Variants in ATF7 observed in about 807,000 individuals in gnomAD.
The protein encoded by ATF7 is activating transcription factor 7.
A neutral mutation model predicts 50.4 loss-of-function variants in ATF7; 10 were observed. The observed-to-expected ratio is 0.20, with a 90% CI of 0.12 to 0.34. ATF7 has a LOEUF of 0.34. Among genes scored for constraint, ATF7 ranks in the 10% least tolerant of loss-of-function variants. The pLI, the probability that ATF7 is intolerant of heterozygous loss-of-function variation, is 1.00. For missense variants in ATF7, 465 were observed against 613.9 expected (o/e 0.76, Z 2.56); for synonymous variants, 201 against 226.4 (o/e 0.89, Z 1.01).
downstream of ATF7, among the ~76,000 whole-genome samples, chr12:53,509,305 T>G (rs1944083781): frequency 2.0e-5 from 3 of 152,178 alleles, no homozygotes; most frequent in South Asian, 6.2e-4. Flanking sequence ...TTGCCTCATG[T>G]GCCCCAGTCG....
chr12:53,576,473 G>C (rs1014616101), intron 2 of ATF7, among the ~76,000 whole-genome samples: 1 of 152,146 alleles, frequency 6.6e-6, no homozygotes, highest in African/African-American at 2.4e-5. Flanking sequence ...TTCATGAATG[G>C]CATTAGGTAC....
chr12:53,586,894 C>T (rs958243259), intron 2 of ATF7, among the ~76,000 whole-genome samples: 1 of 152,284 alleles, frequency 6.6e-6, no homozygotes, highest in East Asian at 1.9e-4. Context: ...TTGGATATCA[C>T]GAGTGATCAT....
At chr12:53,609,143 C>A (rs1252269404) in intron 1 of ATF7, among the ~76,000 whole-genome samples, 3 of 149,866 alleles carry the variant, frequency 2.0e-5, no homozygotes, top group Non-Finnish European at 4.4e-5. Flanking sequence ...TGTTTCTTTT[C>A]TTTCTCTTTT....
At chr12:53,528,823 A>G (rs769284043) in intron 9 of ATF7, among the ~76,000 whole-genome samples, 39 of 152,154 alleles carry the variant, frequency 2.6e-4, no homozygotes, top group Non-Finnish European at 4.4e-4. Context: ...TTAGGAGAAT[A>G]GGGGAAAGGA....
At chr12:53,583,962 T>C (rs1280407919) in intron 2 of ATF7, among the ~76,000 whole-genome samples, 1 of 152,100 alleles carries the variant, frequency 6.6e-6, no homozygotes, top group Non-Finnish European at 1.5e-5. Context: ...ATCAGGGAAA[T>C]ACAAATACAG....
At chr12:53,539,255 C>A (rs1939395865) in intron 4 of ATF7, among the ~76,000 whole-genome samples, 1 of 152,170 alleles carries the variant, frequency 6.6e-6, no homozygotes, top group South Asian at 2.1e-4. Flanking sequence ...AGCTAATTTT[C>A]TTGAATTTGC....
chr12:53,609,931 C>T (rs142181426), intron 1 of ATF7, among the ~76,000 whole-genome samples: 207 of 148,734 alleles, frequency 1.4e-3, no homozygotes, highest in African/African-American at 4.9e-3. Context: ...ATTCTCATGC[C>T]TCAGCCTCTT....
chr12:53,610,564 CAAAAAAAAAA>C (rs528813775), intron 1 of ATF7, among the ~76,000 whole-genome samples: 1 of 55,032 alleles, frequency 1.8e-5, no homozygotes, highest in Non-Finnish European at 4.2e-5. Flanking sequence ...GACTCTGTCT[CAAAAAAAAAA>C]AAAAAAAAAG....
intron 5 of ATF7, among the ~76,000 whole-genome samples, chr12:53,536,344 T>C (rs1939221590): frequency 6.6e-6 from 1 of 151,690 alleles, no homozygotes; most frequent in Non-Finnish European, 1.5e-5. Flanking sequence ...TGGTGCAATC[T>C]TGGCTCACTG....
intron 2 of ATF7, among the ~76,000 whole-genome samples, chr12:53,582,714 GACT>G (rs1417352496): frequency 6.6e-6 from 1 of 152,136 alleles, no homozygotes; most frequent in Non-Finnish European, 1.5e-5. Flanking sequence ...GAGTAGCTGG[GACT>G]ACAAGTCCCC....
At chr12:53,570,489 T>C (rs1332870118) in intron 2 of ATF7, among the ~76,000 whole-genome samples, 1 of 152,186 alleles carries the variant, frequency 6.6e-6, no homozygotes, top group Admixed American at 6.5e-5. Context: ...AACCATAGTA[T>C]AGTAGGCCGG....
At chr12:53,528,977 G>C (rs1565923350) in intron 9 of ATF7, among the ~76,000 whole-genome samples, 1 of 149,820 alleles carries the variant, frequency 6.7e-6, no homozygotes, top group Admixed American at 6.6e-5. Flanking sequence ...TGGTGGCTAG[G>C]GCCTATAATC....
chr12:53,581,664 T>C (rs550118859), intron 2 of ATF7, among the ~76,000 whole-genome samples: 2 of 151,882 alleles, frequency 1.3e-5, no homozygotes, highest in South Asian at 2.1e-4. Context: ...TTATAAAAAT[T>C]TGTAGGATGC....
At chr12:53,525,709 T>C (rs973913640) in intron 9 of ATF7, among the ~76,000 whole-genome samples, 9 of 152,190 alleles carry the variant, frequency 5.9e-5, no homozygotes, top group Non-Finnish European at 1.5e-5. Context: ...GTTTTTAAAG[T>C]TCAAGCTGAA....
intron 1 of ATF7, among the ~76,000 whole-genome samples, chr12:53,602,824 C>T (rs978460495): frequency 4.6e-5 from 7 of 152,070 alleles, no homozygotes; most frequent in African/African-American, 1.7e-4. Context: ...TTTTTTAGCA[C>T]TTTCGGGAAC....
At chr12:53,528,443 C>T (rs944118885) in intron 9 of ATF7, among the ~76,000 whole-genome samples, 12 of 151,978 alleles carry the variant, frequency 7.9e-5, no homozygotes, top group African/African-American at 2.9e-4. Flanking sequence ...GCCTGGGCAA[C>T]ACGGTGAAAC....
intron 2 of ATF7, among the ~76,000 whole-genome samples, chr12:53,559,864 C>T (rs776168843): frequency 2.6e-4 from 40 of 152,226 alleles, no homozygotes; most frequent in Admixed American, 8.5e-4. Flanking sequence ...TAAAACAGTA[C>T]AGTACCTTGG....
chr12:53,613,855 T>C (rs1490989117), intron 1 of ATF7, among the ~76,000 whole-genome samples: 1 of 141,638 alleles, frequency 7.1e-6, no homozygotes, highest in Non-Finnish European at 1.5e-5. Flanking sequence ...TATTATGGGG[T>C]GAATTCCGAG....
At position 53,537,093 on chromosome 12, in the gene ATF7, A is replaced by G. The variant is rs796943250; in HGVS notation, c.402+322T>C. On this transcript the variant is annotated intron_variant, in intron 5 of 11. Coordinates refer to ENST00000420353, the MANE Select transcript of ATF7 (RefSeq NM_006856.3). ...AATACATACTTTTTTTTTTCTTGAGACAGTCTCACTCTGTTGCCCAGGCTG... is the reference window on the plus strand; with the variant it reads ...AATACATACTTTTTTTTTTCTTGAGGCAGTCTCACTCTGTTGCCCAGGCTG... Among the ~76,000 whole-genome samples, 4 of 151,728 alleles carry G rather than the reference A, an allele frequency of 2.6e-5. No homozygotes were observed. In the South Asian group the frequency reaches 8.3e-4, roughly 32 times the overall value.
Sources: gnomAD v4.1 joint callset for allele counts (sites outside exome capture counted in the v4.1 genomes callset) on GRCh38, gnomAD v4.1.1 for gene constraint, MANE v1.5 for transcripts, NCBI Gene and HGNC (gene_info 2026-07-23, HGNC 2026-07-21) for gene names.